The following CPLANE1 variants were observed in gnomAD, a reference collection of about 807,000 sequenced individuals.
CPLANE1 encodes ciliogenesis and planar polarity effector 1.
CPLANE1 carries 263 observed loss-of-function variants against 362.5 expected under a neutral mutation model. The observed-to-expected ratio is 0.73, with a 90% CI of 0.66 to 0.80. CPLANE1 has a LOEUF of 0.80. Ranked by LOEUF, CPLANE1 falls within the 30% of genes least tolerant of loss-of-function variation. The pLI is 0.00. For synonymous variants in CPLANE1, 1,212 were observed against 1,302.6 expected, an observed-to-expected ratio of 0.93 and a Z score of 1.50; for missense variants, 3,461 against 3,793.4, an observed-to-expected ratio of 0.91 and a Z score of 2.30.
chr5:37,083,155 G>A, the CPLANE1 span, among the ~76,000 whole-genome samples: 1 of 152,162 alleles, frequency 6.6e-6, no homozygotes, highest in African/African-American at 2.4e-5. Flanking sequence ...GACTTGCTGG[G>A]TGGCTAGATC....
At position 37,184,871 on chromosome 5, in the gene CPLANE1, T is replaced by TCCTA. The variant is rs1333914993; in HGVS notation, c.4394_4397dup (p.Asp1467ArgfsTer8). ...CTGCATCACTGTGAACCACAGAATC[T>TCCTA]CCTAGTTCTGTGAGTGTACTTCTGC... On this transcript the variant is annotated frameshift_variant, in exon 25 of 53. Transcript: ENST00000651892. 9.9e-6 allele frequency: 16 copies of TCCTA among 1,613,692 alleles called. No homozygotes were observed. Among genetic ancestry groups the TCCTA allele is most frequent in the Admixed American group, 1.7e-5 (1 of 59,994 alleles).
At chr5:37,141,262 T>C in intron 44 of CPLANE1, 2 of 985,384 alleles carry the variant, frequency 2.0e-6, no homozygotes, top group Non-Finnish European at 2.4e-6. Flanking sequence ...AAGGATAAAA[T>C]GGAGTGTAAA....
chr5:37,085,545 G>A, the CPLANE1 span: 3 of 821,914 alleles, frequency 3.7e-6, 1 homozygote. Context: ...GACTGATTTG[G>A]AGACTGGCAA....
chr5:37,237,339 C>T (rs1799225438), intron 8 of CPLANE1, among the ~76,000 whole-genome samples: 1 of 152,162 alleles, frequency 6.6e-6, no homozygotes, highest in Admixed American at 6.6e-5. Flanking sequence ...GGTAAAATCA[C>T]TCAGAAACAG....
intron 31 of CPLANE1, among the ~76,000 whole-genome samples, chr5:37,175,551 G>A (rs145478763): frequency 6.4e-4 from 97 of 152,342 alleles, no homozygotes; most frequent in African/African-American, 2.0e-3. Context: ...AGAACCGGAT[G>A]AGTCTGTTCT....
chr5:37,138,671 G>A (rs1259345867), intron 46 of CPLANE1, 49 bp downstream of exon 46: 1 of 1,557,142 alleles, frequency 6.4e-7, no homozygotes, highest in Admixed American at 1.9e-5. Flanking sequence ...GAACATTCTT[G>A]AATGAGAAGC....
At chr5:37,099,090 G>T in the CPLANE1 span, among the ~76,000 whole-genome samples, 5 of 152,098 alleles carry the variant, frequency 3.3e-5, no homozygotes, top group South Asian at 1.0e-3. Context: ...AAATACAAAG[G>T]ATCAACAAAA....
At chr5:37,232,387 G>T (rs1797906221) in intron 8 of CPLANE1, among the ~76,000 whole-genome samples, 1 of 151,918 alleles carries the variant, frequency 6.6e-6, no homozygotes, top group Non-Finnish European at 1.5e-5. Context: ...GCATGGTGGT[G>T]GGCACCTGTA....
chr5:37,118,426 G>A (rs1217995234), intron 50 of CPLANE1, among the ~76,000 whole-genome samples: 2 of 150,416 alleles, frequency 1.3e-5, no homozygotes, highest in Non-Finnish European at 3.0e-5. Flanking sequence ...AAGGCCAAGA[G>A]CTAACCAAAC....
intron 17 of CPLANE1, 119 bp downstream of exon 17, chr5:37,206,078 G>T: frequency 1.4e-6 from 1 of 714,094 alleles, no homozygotes; most frequent in Non-Finnish European, 2.4e-6. Flanking sequence ...ACTAAAGAAC[G>T]TTCCATTGAA....
chr5:37,215,763 T>TTG (rs1793899867), intron 15 of CPLANE1, among the ~76,000 whole-genome samples: 1 of 147,474 alleles, frequency 6.8e-6, no homozygotes, highest in African/African-American at 2.5e-5. Flanking sequence ...TTTTTTTTTT[T>TTG]GAAGATAAAC....
At chr5:37,105,787 G>A (rs569708921), downstream of CPLANE1, among the ~76,000 whole-genome samples, 15 of 152,126 alleles carry the variant, frequency 9.9e-5, no homozygotes, top group South Asian at 6.2e-4. Flanking sequence ...ATTAATAACC[G>A]CAATATATAA....
At chr5:37,151,768 G>A (rs932352760) in intron 42 of CPLANE1, among the ~76,000 whole-genome samples, 6 of 152,088 alleles carry the variant, frequency 3.9e-5, no homozygotes, top group African/African-American at 1.4e-4. Context: ...CAGAAAGCAG[G>A]CCAGGTGCAG....
At position 37,182,886 on chromosome 5, in the gene CPLANE1, A is replaced by G. The variant is rs1783061086; in HGVS notation, c.5295T>C (p.Thr1765=). 1 of 1,607,814 alleles carries G rather than the reference A, an allele frequency of 6.2e-7. No individual in the cohort carries two copies. Among genetic ancestry groups the G allele is most frequent in the South Asian group, 1.1e-5 (1 of 89,436 alleles). ...NRRLLCDSGI[T]ESSSEYSPVI... ...CTGGACTGTACTCAGAGGATGACTC[A>G]GTTATACCAGAATCACAGAGTAGCC... The change falls in exon 26 of 53, where the codon ACT becomes ACC. Residue 1765 remains threonine, a synonymous_variant. Transcript: ENST00000651892.
rs563561814 is a variant in CPLANE1 at position 37,205,510 on chromosome 5, G to A, written c.3150-56C>T. 22 of 1,236,734 alleles carry A rather than the reference G, an allele frequency of 1.8e-5. No homozygotes were observed. The East Asian group carries it at 5.7e-4, about 32-fold the overall frequency. 76.6% of individuals were successfully genotyped at this position (1,236,734 alleles called of 1,614,324 possible). A position where few individuals can be genotyped will look rare whatever the true frequency, so the allele number is the denominator to read the frequency against. Reference sequence around the variant, plus strand: ...TCCAAATTTTGAAAAAAAAGGAAAGGTTTCACATATCAAGGACTAAACATG... The same window carrying A: ...TCCAAATTTTGAAAAAAAAGGAAAGATTTCACATATCAAGGACTAAACATG... On this transcript the variant is annotated intron_variant, in intron 17 of 52. Transcript: ENST00000651892.
chr5:37,155,101 T>C (rs762260964), intron 41 of CPLANE1, among the ~76,000 whole-genome samples: 10 of 152,264 alleles, frequency 6.6e-5, no homozygotes, highest in East Asian at 1.9e-4. Flanking sequence ...CCAAATGATA[T>C]CCCTATCTGT....
chr5:37,078,146 C>T, the CPLANE1 span, among the ~76,000 whole-genome samples: 1 of 152,128 alleles, frequency 6.6e-6, no homozygotes, highest in Non-Finnish European at 1.5e-5. Context: ...CAGATCATCC[C>T]ATCACCTAGA....
chr5:37,130,663 G>A (rs1349152189), intron 46 of CPLANE1: 1 of 153,380 alleles, frequency 6.5e-6, no homozygotes, highest in Non-Finnish European at 1.5e-5. Flanking sequence ...CAATTCCTCA[G>A]AAGCGTCATG....
intron 18 of CPLANE1, among the ~76,000 whole-genome samples, chr5:37,203,359 G>A (rs917255952): frequency 6.6e-6 from 1 of 152,112 alleles, no homozygotes; most frequent in African/African-American, 2.4e-5. Flanking sequence ...GTTGTCACAA[G>A]TTATCAGCAA....
Sources: gnomAD v4.1 joint callset for allele counts (sites outside exome capture counted in the v4.1 genomes callset) on GRCh38, gnomAD v4.1.1 for gene constraint, MANE v1.5 for transcripts, NCBI Gene and HGNC (gene_info 2026-07-23, HGNC 2026-07-21) for gene names.